Variants in PEX5 observed in about 807,000 individuals in gnomAD.
PEX5 encodes PTS1 receptor.
PEX5 carries 52 observed loss-of-function variants against 82.9 expected under a neutral mutation model. The observed-to-expected ratio is 0.63, with a 90% CI of 0.50 to 0.79. PEX5 has a LOEUF of 0.79. Ranked by LOEUF, PEX5 falls within the 30% of genes least tolerant of loss-of-function variation. The pLI is 0.00. For synonymous variants in PEX5, 300 were observed against 318.8 expected (o/e 0.94, Z 0.63); for missense variants, 719 against 815.2 (o/e 0.88, Z 1.44).
chr12:7,209,700 T>G lies in PEX5; in HGVS notation c.1578T>G (p.Asn526Lys), dbSNP rs61752138. Residue 526 changes from asparagine to lysine, a missense_variant, in exon 15 of 16, where the codon AAT becomes AAG. Coordinates refer to ENST00000675855, the MANE Select transcript of PEX5 (RefSeq NM_001351132.2). ...SVRPNDYLLW[N>K]KLGATLANGN... ...TATCCCAGGACTATTTGCTGTGGAA[T>G]AAGCTAGGCGCCACCCTGGCCAATG... 2 of 1,568,116 alleles carry G rather than the reference T, an allele frequency of 1.3e-6. No homozygotes were observed. Among genetic ancestry groups the G allele is most frequent in the Middle Eastern group, 3.4e-4 (2 of 5,946 alleles).
chr12:7,212,428 C>CT (rs371772862), downstream of PEX5, among the ~76,000 whole-genome samples: 23 of 127,448 alleles, frequency 1.8e-4, no homozygotes, highest in African/African-American at 5.8e-4. Flanking sequence ...TGGCCAAAGT[C>CT]TAATTTTTTT....
chr12:7,212,491 C>CA (rs1945646577), downstream of PEX5, among the ~76,000 whole-genome samples: 1 of 55,060 alleles, frequency 1.8e-5, no homozygotes. Context: ...AAAAAAAACC[C>CA]AAAAAACAAA....
At chr12:7,205,909 T>C (rs1334643446) in intron 10 of PEX5, among the ~76,000 whole-genome samples, 1 of 152,214 alleles carries the variant, frequency 6.6e-6, no homozygotes, top group Non-Finnish European at 1.5e-5. Flanking sequence ...CTTAAGGAAG[T>C]ATCTAGAGCA....
Position 7,209,074 on chromosome 12 carries a change from T to C in PEX5, c.1464T>C (p.Pro488=), listed in dbSNP as rs1308021155. 1 of 1,613,988 alleles carries C rather than the reference T, an allele frequency of 6.2e-7. No individual in the cohort carries two copies. The highest frequency in any genetic ancestry group is 1.3e-5 in the African/African-American group (1 of 74,910). Residue 488 remains proline, a synonymous_variant, in exon 14 of 16, where the codon CCT becomes CCC. Transcript: ENST00000675855. ...AVRLDPTSID[P]DVQCGLGVLF... is the part of the protein sequence containing the mutation. ...GGCTGGACCCTACCTCCATTGACCC[T>C]GATGTGCAGTGTGGCTTGGGAGTCC...
intron 12 of PEX5, 68 bp from the exon 13 acceptor site, chr12:7,208,389 C>T (rs951553175): frequency 2.2e-5 from 26 of 1,182,616 alleles, no homozygotes; most frequent in Non-Finnish European, 3.2e-5. Context: ...GGCTTGGATC[C>T]CAGGGTGCTC....
At position 7,191,598 on chromosome 12, in the gene PEX5, G is replaced by C. The variant is rs778291213; in HGVS notation, c.346G>C (p.Glu116Gln). Residue 116 changes from glutamate to glutamine, a missense_variant, in exon 5 of 16, where the codon GAG becomes CAG. Glu to Gln is a conservative substitution (Grantham distance 29). Coordinates refer to ENST00000675855, the MANE Select transcript of PEX5 (RefSeq NM_001351132.2). Reference protein sequence around the residue: ...APGVADLALSENWAQEFLAAG... With the variant: ...APGVADLALSQNWAQEFLAAG... ...TGGTGTGGCAGACTTGGCCTTGTCTGAGAACTGGGCCCAGGAGTTTCTTGC... is the reference window on the plus strand; with the variant it reads ...TGGTGTGGCAGACTTGGCCTTGTCTCAGAACTGGGCCCAGGAGTTTCTTGC... 3 of 1,614,002 alleles carry C rather than the reference G, an allele frequency of 1.9e-6. No individual in the cohort carries two copies. In the South Asian group the frequency reaches 3.3e-5, roughly 18 times the overall value.
At position 7,203,185 on chromosome 12, in the gene PEX5, ACTGCACTGCACTGC is replaced by A. The variant is rs1565707471; in HGVS notation, c.847-246_847-233del. ...AACAAAAAACTAAACTAAACTATGC[ACTGCACTGCACTGC>A]ACTGCACTGCACTGCACTGCACTAC... On this transcript the variant is annotated intron_variant, in intron 9 of 15. Coordinates refer to ENST00000675855, the MANE Select transcript of PEX5 (RefSeq NM_001351132.2). 0.21 allele frequency among the ~76,000 whole-genome samples: 16,501 copies of A among 79,152 alleles called. 4,964 individuals are homozygous for A. Among genetic ancestry groups the A allele is most frequent in the South Asian group, 0.43 (1,081 of 2,524 alleles). The allele number at this position is 79,152 out of a possible 152,430, so 51.9% of individuals were successfully genotyped here.
chr12:7,201,149 GCA>G (rs1488425982), intron 6 of PEX5, among the ~76,000 whole-genome samples: 3 of 54,256 alleles, frequency 5.5e-5, no homozygotes, highest in South Asian at 4.3e-4. Context: ...ACACACACAC[GCA>G]CACACATATA....
chr12:7,204,387 A>G (rs965151398), intron 10 of PEX5, among the ~76,000 whole-genome samples: 1 of 152,222 alleles, frequency 6.6e-6, no homozygotes, highest in African/African-American at 2.4e-5. Context: ...TCTTGATGTA[A>G]TAAGGGAGCT....
At chr12:7,195,118 CAG>C (rs1264079187) in intron 5 of PEX5, among the ~76,000 whole-genome samples, 5 of 152,162 alleles carry the variant, frequency 3.3e-5, no homozygotes, top group Non-Finnish European at 7.4e-5. Context: ...TTAGCAGACA[CAG>C]AAACTTTCAT....
intron 10 of PEX5, among the ~76,000 whole-genome samples, chr12:7,206,767 T>G (rs925977616): frequency 6.6e-6 from 1 of 152,212 alleles, no homozygotes; most frequent in Admixed American, 6.5e-5. Context: ...TTATCTGAAT[T>G]TATTCTTAAC....
chr12:7,202,311 C>G lies in PEX5; in HGVS notation c.713C>G (p.Ala238Gly). 1 of 1,614,130 alleles carries G rather than the reference C, an allele frequency of 6.2e-7. No individual in the cohort carries two copies. Among genetic ancestry groups the G allele is most frequent in the Non-Finnish European group, 8.5e-7 (1 of 1,180,042 alleles). ...SLESGAGSGR[A>G]QAEQWAAEFI... Reference sequence around the variant, plus strand: ...GAGTCCGGTGCAGGGTCGGGCCGAGCTCAGGCAGAACAGTGGGCAGCAGAG... The same window carrying G: ...GAGTCCGGTGCAGGGTCGGGCCGAGGTCAGGCAGAACAGTGGGCAGCAGAG... Residue 238 changes from alanine to glycine, a missense_variant, in exon 8 of 16, where the codon GCT (alanine) becomes GGT (glycine). Coordinates refer to ENST00000675855, the MANE Select transcript of PEX5 (RefSeq NM_001351132.2).
downstream of PEX5, among the ~76,000 whole-genome samples, chr12:7,211,888 T>TAAAA (rs1945600773): frequency 6.6e-6 from 1 of 152,060 alleles, no homozygotes; most frequent in African/African-American, 2.4e-5. Flanking sequence ...AGGAAAAATT[T>TAAAA]AAAAATATAC....
chr12:7,189,893 G>T, intron 1 of PEX5, 143 bp downstream of exon 1: 1 of 1,411,852 alleles, frequency 7.1e-7, no homozygotes, highest in South Asian at 1.6e-5. Flanking sequence ...GAGGGACCGG[G>T]CCGAGCCGGG....
At chr12:7,207,604 C>T in intron 10 of PEX5, 55 bp from the exon 11 acceptor site, 1 of 1,589,668 alleles carries the variant, frequency 6.3e-7, no homozygotes, top group Non-Finnish European at 8.6e-7. Context: ...CCTCACATCC[C>T]TGCTGTTCTG....
Position 7,210,538 on chromosome 12 carries a change from T to G in PEX5, c.*315T>G. ...ACCCCACGATTTAGGGTAACTGTTATCATCAGCTGCCATTTCTGATAGGGT... is the reference window on the plus strand; with the variant it reads ...ACCCCACGATTTAGGGTAACTGTTAGCATCAGCTGCCATTTCTGATAGGGT... On this transcript the variant is annotated 3_prime_UTR_variant, in exon 16 of 16. Transcript: ENST00000675855. The G allele has an allele frequency of 2.1e-6, 1 of 471,262 alleles. No individual in the cohort carries two copies. The highest frequency in any genetic ancestry group is 3.9e-6 in the Non-Finnish European group (1 of 254,568). 29.2% of individuals were successfully genotyped at this position (471,262 alleles called of 1,614,324 possible). A position where few individuals can be genotyped will look rare whatever the true frequency, so the allele number is the denominator to read the frequency against.
In PEX5 at chr12:7,197,133, T is replaced by C. The variant is rs1219537572; in HGVS notation, c.449-1878T>C. Among the ~76,000 whole-genome samples the C allele has an allele frequency of 8.2e-5, 8 of 97,860 alleles. 2 individuals carry two copies. Among genetic ancestry groups the C allele is most frequent in the Non-Finnish European group, 1.7e-4 (8 of 48,294 alleles). 64.2% of individuals were successfully genotyped at this position (97,860 alleles called of 152,430 possible). ...TCATATAATGTAATAATATATGTCA[T>C]ATATAATGTAATAATTATATATGTC... On this transcript the variant is annotated intron_variant, in intron 5 of 15. Coordinates refer to ENST00000675855, the MANE Select transcript of PEX5 (RefSeq NM_001351132.2).
At position 7,208,622 on chromosome 12, in the gene PEX5, G is replaced by A. The variant is rs778715159; in HGVS notation, c.1347G>A (p.Gly449=). The A allele has an allele frequency of 2.5e-6, 4 of 1,614,086 alleles. No individual in the cohort carries two copies. Among genetic ancestry groups the A allele is most frequent in the East Asian group, 2.2e-5 (1 of 44,884 alleles). ...CACCTGCTGAAGAAGGGGCTGGTGG[G>A]GCAGGACTGGGCCCCAGCAAGCGTA... ...LVTPAEEGAG[G]AGLGPSKRIL... The change falls in exon 13 of 16, where the codon GGG becomes GGA. Residue 449 remains glycine (G), a synonymous_variant. Coordinates refer to ENST00000675855, the MANE Select transcript of PEX5 (RefSeq NM_001351132.2).
chr12:7,207,658 G>A lies in PEX5; in HGVS notation c.967-1G>A. ...CCATCTCTCACGTGCTTTTCTTGTA[G>A]GGGTACCAGTTTGAGGAGGAGAACC... On this transcript the variant is annotated splice_acceptor_variant, in intron 10 of 15. Transcript: ENST00000675855. LOFTEE classifies it high-confidence loss of function. The A allele has an allele frequency of 6.2e-7, 1 of 1,614,046 alleles. No individual in the cohort carries two copies. The highest frequency in any genetic ancestry group is 8.5e-7 in the Non-Finnish European group (1 of 1,179,982).
Sources: allele counts gnomAD v4.1 joint callset (sites outside exome capture counted in the v4.1 genomes callset), GRCh38; gene constraint gnomAD v4.1.1; transcripts MANE v1.5; gene names NCBI Gene and HGNC (gene_info 2026-07-23, HGNC 2026-07-21).